The following TRDN variants were observed in gnomAD, a reference collection of about 807,000 sequenced individuals.
The protein encoded by TRDN is triadin, also known as triadin in skeletal muscle.
A neutral mutation model predicts 149.7 loss-of-function variants in TRDN; 161 were observed. The ratio of observed to expected loss-of-function variants is 1.08; its 90% CI spans 0.95 to 1.23. TRDN has a LOEUF of 1.23. Among genes scored for constraint, TRDN ranks in the 50% most tolerant of loss-of-function variants. The pLI is 0.00. For synonymous variants in TRDN, 294 were observed against 250.5 expected, an observed-to-expected ratio of 1.17 and a Z score of -1.64; for missense variants, 896 against 823.5, an observed-to-expected ratio of 1.09 and a Z score of -1.08.
chr6:123,392,291 T>C (rs1772519239), intron 13 of TRDN, among the ~76,000 whole-genome samples: 1 of 152,062 alleles, frequency 6.6e-6, no homozygotes. Context: ...ATGAATCAAA[T>C]TTTCAGATAT....
chr6:123,490,464 T>G (rs1045730888), intron 9 of TRDN, among the ~76,000 whole-genome samples: 4 of 152,198 alleles, frequency 2.6e-5, no homozygotes, highest in Non-Finnish European at 4.4e-5. Context: ...AGTTGTTTAT[T>G]TCAGGAATTT....
intron 22 of TRDN, among the ~76,000 whole-genome samples, chr6:123,332,669 C>T (rs1288999210): frequency 6.6e-6 from 1 of 151,966 alleles, no homozygotes; most frequent in East Asian, 1.9e-4. Context: ...CATTAATGCT[C>T]AATAAAGATT....
At chr6:123,614,599 T>C (rs988705988) in intron 1 of TRDN, among the ~76,000 whole-genome samples, 3 of 151,634 alleles carry the variant, frequency 2.0e-5, no homozygotes, top group Non-Finnish European at 4.4e-5. Context: ...TAATCTAAAT[T>C]TATTTTAAAT....
At chr6:123,549,523 C>G (rs758156653) in intron 2 of TRDN, among the ~76,000 whole-genome samples, 5 of 152,098 alleles carry the variant, frequency 3.3e-5, no homozygotes, top group Admixed American at 1.3e-4. Context: ...ATTTTTCTCT[C>G]TTTGATATAT....
chr6:123,633,920 A>G lies in TRDN; in HGVS notation c.22+2834T>C, dbSNP rs145437437. ...AGATCTCTCCTAATTTCCCATGACCATGAGACAGTCATATAATCTGTATGA... is the reference window on the plus strand; with the variant it reads ...AGATCTCTCCTAATTTCCCATGACCGTGAGACAGTCATATAATCTGTATGA... On this transcript the variant is annotated intron_variant, in intron 1 of 40. Coordinates refer to ENST00000334268, the MANE Select transcript of TRDN (RefSeq NM_006073.4). Among the ~76,000 whole-genome samples, 91 of 152,174 alleles carry G rather than the reference A, an allele frequency of 6.0e-4. No homozygotes were observed. In the East Asian group the frequency reaches 0.016, roughly 26 times the overall value.
intron 19 of TRDN, among the ~76,000 whole-genome samples, chr6:123,372,142 A>G (rs934783970): frequency 6.6e-6 from 1 of 152,164 alleles, no homozygotes; most frequent in African/African-American, 2.4e-5. Context: ...GACTTCTGCC[A>G]TTTCCATGCC....
intron 21 of TRDN, among the ~76,000 whole-genome samples, chr6:123,344,165 T>C (rs375660930): frequency 6.6e-6 from 1 of 152,014 alleles, no homozygotes. Flanking sequence ...CAGTTTGTTA[T>C]AGCAGCCCAA....
Position 123,258,757 on chromosome 6 carries a change from G to A in TRDN, c.1870+867C>T, listed in dbSNP as rs142414057. ...TCTGGTAGAATTCGTCTGTGAATCC[G>A]TCTGGTCCTGGGCTTTTGTTTTGGT... On this transcript the variant is annotated intron_variant, in intron 35 of 40. Transcript: ENST00000334268. Among the ~76,000 whole-genome samples, 495 of 152,138 alleles carry A rather than the reference G, an allele frequency of 3.3e-3. 19 individuals carry two copies. In the East Asian group the frequency reaches 0.08, roughly 25 times the overall value.
chr6:123,250,487 T>C (rs1776335542), intron 38 of TRDN, among the ~76,000 whole-genome samples: 1 of 152,064 alleles, frequency 6.6e-6, no homozygotes, highest in East Asian at 1.9e-4. Context: ...TATAGTATGC[T>C]CTTCTTTATA....
chr6:123,253,707 T>C (rs553084313), intron 37 of TRDN, among the ~76,000 whole-genome samples: 1 of 152,186 alleles, frequency 6.6e-6, no homozygotes, highest in Admixed American at 6.6e-5. Context: ...TCTCCACTGT[T>C]TTCCCAAGAT....
At chr6:123,492,157 C>T (rs1364181595) in intron 9 of TRDN, among the ~76,000 whole-genome samples, 4 of 151,942 alleles carry the variant, frequency 2.6e-5, no homozygotes, top group Admixed American at 2.6e-4. Flanking sequence ...GGTGAGTACC[C>T]TCAATTTAAA....
intron 2 of TRDN, among the ~76,000 whole-genome samples, chr6:123,558,268 G>T (rs1781788604): frequency 6.6e-6 from 1 of 151,744 alleles, no homozygotes; most frequent in African/African-American, 2.4e-5. Context: ...CAGACCCAAT[G>T]ACCTCTCCCC....
At chr6:123,320,336 G>T (rs984202311) in intron 23 of TRDN, among the ~76,000 whole-genome samples, 8 of 151,488 alleles carry the variant, frequency 5.3e-5, no homozygotes, top group African/African-American at 1.9e-4. Context: ...TTGTTTATTA[G>T]CTCTCTAACC....
chr6:123,548,214 A>G (rs1410338557), intron 3 of TRDN, among the ~76,000 whole-genome samples: 1 of 152,082 alleles, frequency 6.6e-6, no homozygotes, highest in Non-Finnish European at 1.5e-5. Flanking sequence ...TGCTACATTA[A>G]TATTAACATT....
intron 24 of TRDN, among the ~76,000 whole-genome samples, chr6:123,313,835 A>G (rs1366953719): frequency 6.6e-6 from 1 of 152,070 alleles, no homozygotes; most frequent in Non-Finnish European, 1.5e-5. Context: ...TAGACCATAT[A>G]CAAAAATTAT....
chr6:123,411,222 T>C (rs1446461969), intron 12 of TRDN, among the ~76,000 whole-genome samples: 4 of 151,852 alleles, frequency 2.6e-5, no homozygotes, highest in Non-Finnish European at 4.4e-5. Flanking sequence ...AATTTTTGTA[T>C]TTTTAGTAGA....
chr6:123,601,264 A>C (rs2114648909), intron 1 of TRDN, among the ~76,000 whole-genome samples: 1 of 152,252 alleles, frequency 6.6e-6, no homozygotes, highest in South Asian at 2.1e-4. Flanking sequence ...TCCTGCATTG[A>C]CAAGTCTGAC....
At chr6:123,558,021 G>C (rs1230984820) in intron 2 of TRDN, among the ~76,000 whole-genome samples, 8 of 151,958 alleles carry the variant, frequency 5.3e-5, no homozygotes, top group Admixed American at 4.6e-4. Context: ...GTTCCAAATA[G>C]CCAGAAAACA....
chr6:123,229,555 T>A (rs1775518448), intron 38 of TRDN, among the ~76,000 whole-genome samples: 1 of 151,952 alleles, frequency 6.6e-6, no homozygotes, highest in Non-Finnish European at 1.5e-5. Context: ...CCAATACTGT[T>A]CTGCAGCCAT....
Sources: gnomAD v4.1 joint callset for allele counts (sites outside exome capture counted in the v4.1 genomes callset) on GRCh38, gnomAD v4.1.1 for gene constraint, MANE v1.5 for transcripts, NCBI Gene and HGNC (gene_info 2026-07-23, HGNC 2026-07-21) for gene names.